The following TLL2 variants were observed in gnomAD, a reference collection of about 807,000 sequenced individuals.
The protein encoded by TLL2 is tolloid-like protein 2.
In TLL2, 106 loss-of-function variants were observed where a neutral mutation model predicts 123.0. That is an observed-to-expected ratio of 0.86 (90% CI 0.74 to 1.01). The LOEUF (loss-of-function observed/expected upper bound fraction) is 1.01, where lower values mean the gene tolerates loss of function less well. Among genes scored for constraint, TLL2 ranks in the 50% least tolerant of loss-of-function variants. TLL2 has a pLI of 0.00. For synonymous variants in TLL2, 494 were observed against 516.8 expected (o/e 0.96, Z 0.60); for missense variants, 1,332 against 1,336.7 (o/e 1.00, Z 0.06).
At position 96,432,806 on chromosome 10, in the gene TLL2, C is replaced by T; in HGVS notation, c.520+1G>A. ...AGCAGACCTTGTCTGTGGCTACTGA[C>T]CAGTGAAGTTCCCTCCAATGACGTA... On this transcript the variant is annotated splice_donor_variant, in intron 4 of 20. Coordinates refer to ENST00000357947, the MANE Select transcript of TLL2 (RefSeq NM_012465.4). LOFTEE classifies it high-confidence loss of function. The T allele has an allele frequency of 6.2e-7, 1 of 1,613,442 alleles. No individual in the cohort carries two copies. The highest frequency in any genetic ancestry group is 8.5e-7 in the Non-Finnish European group (1 of 1,179,556).
At chr10:96,476,240 A>ATATATATATATATATATTTTTT in intron 2 of TLL2, among the ~76,000 whole-genome samples, 1 of 20,498 alleles carries the variant, frequency 4.9e-5, no homozygotes, top group East Asian at 2.1e-3. Flanking sequence ...ATATATATAT[A>ATATATATATATATATATTTTTT]TTTTATTTTT....
intron 15 of TLL2, 42 bp from the exon 16 acceptor site, chr10:96,384,809 C>T (rs748958290): frequency 7.2e-6 from 11 of 1,530,156 alleles, no homozygotes; most frequent in Non-Finnish European, 8.0e-6. Flanking sequence ...AGTCCCTGTC[C>T]CCACCCCAGA....
At chr10:96,416,237 A>T (rs1186658388) in intron 7 of TLL2, among the ~76,000 whole-genome samples, 2 of 152,210 alleles carry the variant, frequency 1.3e-5, no homozygotes, top group African/African-American at 4.8e-5. Flanking sequence ...TCTGCAGCAC[A>T]AGCATAAGGA....
intron 7 of TLL2, among the ~76,000 whole-genome samples, 173 bp from the exon 8 acceptor site, chr10:96,413,489 T>C (rs1419775884): frequency 6.6e-6 from 1 of 152,190 alleles, no homozygotes; most frequent in Non-Finnish European, 1.5e-5. Context: ...GCTAGCATTT[T>C]CACATTCCAT....
intron 1 of TLL2, among the ~76,000 whole-genome samples, chr10:96,490,798 C>T (rs1847404986): frequency 6.6e-6 from 1 of 152,238 alleles, no homozygotes; most frequent in Non-Finnish European, 1.5e-5. Context: ...AGACCAGCAG[C>T]ATCAACATTA....
chr10:96,421,186 C>CA, intron 6 of TLL2, 125 bp from the exon 7 acceptor site: 1 of 696,286 alleles, frequency 1.4e-6, no homozygotes, highest in Non-Finnish European at 2.5e-6. Flanking sequence ...AGTCAAATAA[C>CA]AGGGCTTGTA....
intron 2 of TLL2, among the ~76,000 whole-genome samples, chr10:96,450,648 T>C (rs1231431549): frequency 6.6e-6 from 1 of 152,102 alleles, no homozygotes; most frequent in Non-Finnish European, 1.5e-5. Flanking sequence ...CACATCGAAA[T>C]CGATGAAAAG....
At chr10:96,495,479 C>T (rs1847462726) in intron 1 of TLL2, among the ~76,000 whole-genome samples, 1 of 151,860 alleles carries the variant, frequency 6.6e-6, no homozygotes, top group African/African-American at 2.4e-5. Context: ...GAGAAAGGAC[C>T]CCTAGAAAGA....
At chr10:96,402,971 A>G (rs1489821458) in intron 10 of TLL2, among the ~76,000 whole-genome samples, 1 of 152,196 alleles carries the variant, frequency 6.6e-6, no homozygotes, top group Non-Finnish European at 1.5e-5. Context: ...CAGGCTCGTC[A>G]GTTGCAGCAT....
chr10:96,386,147 G>C lies in TLL2; in HGVS notation c.1921C>G (p.Pro641Ala). 6.2e-7 allele frequency: 1 copy of C among 1,613,160 alleles called. No homozygotes were observed. Among genetic ancestry groups the C allele is most frequent in the Non-Finnish European group, 8.5e-7 (1 of 1,179,526 alleles). ...ITSPGWPKEY[P>A]TNKNCVWQVV... ...TGCCAGACACAGTTTTTGTTTGTGG[G>C]ATACTCCTTCGGCCACCCAGGGCTG... is the stretch of plus-strand genomic sequence containing the variant. The change falls in exon 15 of 21, where the codon CCC (proline) becomes GCC (alanine). Residue 641 changes from proline (P) to alanine (A), a missense_variant. Pro to Ala is a conservative substitution (Grantham distance 27). Transcript: ENST00000357947.
chr10:96,513,652 A>T lies in TLL2; in HGVS notation c.34T>A (p.Ser12Thr), dbSNP rs1847654944. Residue 12 changes from serine to threonine, a missense_variant, in exon 1 of 21, where the codon TCA becomes ACA. Ser to Thr is a moderately conservative substitution (Grantham distance 58). Transcript: ENST00000357947. ...GGCAGCGGCAGCAGCAGCAGCAGTGACACCAGGGCCCCAAGTGCAGTCGCC... is the reference window on the plus strand; with the variant it reads ...GGCAGCGGCAGCAGCAGCAGCAGTGTCACCAGGGCCCCAAGTGCAGTCGCC... ...PRATALGALV[S>T]LLLLLPLPRG... 6.3e-7 allele frequency: 1 copy of T among 1,584,810 alleles called. No individual in the cohort carries two copies. Among genetic ancestry groups the T allele is most frequent in the South Asian group, 1.1e-5 (1 of 89,530 alleles).
chr10:96,395,238 C>G lies in TLL2; in HGVS notation c.1675G>C (p.Val559Leu), dbSNP rs1293576843. The change falls in exon 13 of 21, where the codon GTG becomes CTG. Residue 559 changes from valine (V) to leucine (L), a missense_variant. Val to Leu is a conservative substitution (Grantham distance 32). Transcript: ENST00000357947. ...GCTTTATTGATAGAGCCATCGGACA[C>G]AAACTTCATCCACAGTCTGTTGGAG... ...SSSNRLWMKF[V>L]SDGSINKAGF... 1.2e-6 allele frequency: 2 copies of G among 1,613,218 alleles called. No homozygotes were observed. Among genetic ancestry groups the G allele is most frequent in the Admixed American group, 3.3e-5 (2 of 59,812 alleles).
rs768961189 is a variant in TLL2 at position 96,428,786 on chromosome 10, G to A, written c.521-38C>T. ...GGCAAGCACTCGACTTCAATGATGGGTCCATATTTTCTTTAGATGCTTTTT... is the reference window on the plus strand; with the variant it reads ...GGCAAGCACTCGACTTCAATGATGGATCCATATTTTCTTTAGATGCTTTTT... On this transcript the variant is annotated intron_variant, in intron 4 of 20. Coordinates refer to ENST00000357947, the MANE Select transcript of TLL2 (RefSeq NM_012465.4). The A allele has an allele frequency of 6.0e-6, 8 of 1,342,280 alleles. No homozygotes were observed. In the Admixed American group the frequency reaches 1.4e-4, roughly 24 times the overall value. The allele number at this position is 1,342,280 out of a possible 1,614,324, so 83.1% of individuals were successfully genotyped here. A position where few individuals can be genotyped will look rare whatever the true frequency, so the allele number is the denominator to read the frequency against.
chr10:96,455,236 AT>A (rs199959193), intron 2 of TLL2, among the ~76,000 whole-genome samples: 50 of 152,040 alleles, frequency 3.3e-4, no homozygotes, highest in African/African-American at 5.8e-4. Flanking sequence ...CTCAAAAAAA[AT>A]AAAATTAAAT....
intron 19 of TLL2, among the ~76,000 whole-genome samples, chr10:96,372,348 C>G (rs768587663): frequency 6.6e-6 from 1 of 152,120 alleles, no homozygotes; most frequent in African/African-American, 2.4e-5. Flanking sequence ...GTCCCATGAT[C>G]GTGAGCTCAG....
chr10:96,459,587 G>A (rs1847052467), intron 2 of TLL2, among the ~76,000 whole-genome samples: 1 of 140,724 alleles, frequency 7.1e-6, no homozygotes, highest in Non-Finnish European at 1.5e-5. Context: ...GAAGAATCAC[G>A]TGAATCTGTG....
chr10:96,460,880 T>G (rs980178154), intron 2 of TLL2, among the ~76,000 whole-genome samples: 3 of 152,100 alleles, frequency 2.0e-5, no homozygotes, highest in Non-Finnish European at 4.4e-5. Flanking sequence ...CACAAGAAGA[T>G]ACCATCTATG....
chr10:96,444,641 G>A (rs1435787905), intron 3 of TLL2, among the ~76,000 whole-genome samples: 1 of 152,118 alleles, frequency 6.6e-6, no homozygotes, highest in African/African-American at 2.4e-5. Flanking sequence ...TGCATAACCT[G>A]GGAAAGCGTA....
In TLL2 at chr10:96,396,011, C is replaced by G. The variant is rs763102758; in HGVS notation, c.1394G>C (p.Gly465Ala). 2.7e-5 allele frequency: 44 copies of G among 1,613,962 alleles called. No individual in the cohort carries two copies. The highest frequency in any genetic ancestry group is 3.6e-5 in the Non-Finnish European group (43 of 1,179,998). The change falls in exon 12 of 21, where the codon GGG (glycine) becomes GCG (alanine). Residue 465 changes from glycine to alanine, a missense_variant. Gly to Ala is a moderately conservative substitution (Grantham distance 60, BLOSUM62 0). Transcript: ENST00000357947. The part of the protein sequence containing the change: ...GFFAAYEATC[G>A]GDMNKDAGQI... Reference sequence around the variant, plus strand: ...ACCGGCATCTTTGTTCATGTCTCCCCCGCAGGTAGCTTTAGAAAGAGACAT... The same window carrying G: ...ACCGGCATCTTTGTTCATGTCTCCCGCGCAGGTAGCTTTAGAAAGAGACAT...
Sources: allele counts gnomAD v4.1 joint callset (sites outside exome capture counted in the v4.1 genomes callset), GRCh38; gene constraint gnomAD v4.1.1; transcripts MANE v1.5; gene names NCBI Gene and HGNC (gene_info 2026-07-23, HGNC 2026-07-21).